Variants in NRG3 observed in about 807,000 individuals in gnomAD.
The protein encoded by NRG3 is neuregulin 3.
A neutral mutation model predicts 66.9 loss-of-function variants in NRG3; 31 were observed. The ratio of observed to expected loss-of-function variants is 0.46; its 90% CI spans 0.35 to 0.63. The LOEUF (loss-of-function observed/expected upper bound fraction) is 0.63. Among genes scored for constraint, NRG3 ranks in the 20% least tolerant of loss-of-function variants. NRG3 has a pLI of 0.00. For missense variants in NRG3, 910 were observed against 878.9 expected (o/e 1.04, Z -0.45); for synonymous variants, 393 against 359.4 (o/e 1.09, Z -1.06).
intron 1 of NRG3, among the ~76,000 whole-genome samples, chr10:82,253,723 C>G (rs1248992185): frequency 6.6e-6 from 1 of 152,160 alleles, no homozygotes; most frequent in Non-Finnish European, 1.5e-5. Flanking sequence ...TTTGATTCCC[C>G]TGCTTTAAAA....
At position 82,936,553 on chromosome 10, in the gene NRG3, A is replaced by G. The variant is rs374525920; in HGVS notation, c.1055-14916A>G. Among the ~76,000 whole-genome samples the G allele has an allele frequency of 5.9e-5, 9 of 152,274 alleles. 1 individual carries two copies. The highest frequency in any genetic ancestry group is 2.2e-4 in the African/African-American group (9 of 41,536). On this transcript the variant is annotated intron_variant, in intron 4 of 8. Coordinates refer to ENST00000372141, the MANE Select transcript of NRG3 (RefSeq NM_001010848.4). ...AGACCTATTGTGCAGCAGGGCAGCT[A>G]TAGTCAATGATGATATTTTGTATTG... is the stretch of plus-strand genomic sequence containing the variant.
chr10:82,247,759 A>G (rs149790878), intron 1 of NRG3, among the ~76,000 whole-genome samples: 3 of 152,298 alleles, frequency 2.0e-5, no homozygotes, highest in African/African-American at 7.2e-5. Flanking sequence ...TAGGGTACTT[A>G]CCACTTGGAT....
chr10:82,448,021 T>A (rs1447386125), intron 2 of NRG3, among the ~76,000 whole-genome samples: 1 of 152,180 alleles, frequency 6.6e-6, no homozygotes, highest in Non-Finnish European at 1.5e-5. Context: ...TGAGGGATGG[T>A]GACGAGAACA....
At chr10:82,309,935 G>C (rs945656384) in intron 1 of NRG3, among the ~76,000 whole-genome samples, 6 of 152,084 alleles carry the variant, frequency 3.9e-5, no homozygotes, top group Admixed American at 3.3e-4. Flanking sequence ...ACCTCTCCTT[G>C]TCTCTTAACC....
At chr10:82,497,397 T>A (rs186014278) in intron 2 of NRG3, among the ~76,000 whole-genome samples, 1 of 152,300 alleles carries the variant, frequency 6.6e-6, no homozygotes, top group Non-Finnish European at 1.5e-5. Context: ...CAGCCCAGAA[T>A]AATCACCATT....
chr10:82,768,651 A>AT (rs1449266507), intron 3 of NRG3, among the ~76,000 whole-genome samples: 1 of 152,036 alleles, frequency 6.6e-6, no homozygotes, highest in African/African-American at 2.4e-5. Context: ...TATATAAAAC[A>AT]TTTTTCTTTC....
At chr10:82,737,402 C>T (rs184607234) in intron 2 of NRG3, among the ~76,000 whole-genome samples, 2 of 152,310 alleles carry the variant, frequency 1.3e-5, no homozygotes, top group Admixed American at 1.3e-4. Flanking sequence ...TAGCTTATTA[C>T]ACTCAGAAAA....
chr10:82,637,726 A>G (rs1012778493), intron 2 of NRG3, among the ~76,000 whole-genome samples: 6 of 152,324 alleles, frequency 3.9e-5, no homozygotes, highest in Admixed American at 3.9e-4. Flanking sequence ...ATACAATATG[A>G]CAGCTAAGTA....
At chr10:82,763,230 A>C (rs1291639640) in intron 3 of NRG3, among the ~76,000 whole-genome samples, 1 of 152,186 alleles carries the variant, frequency 6.6e-6, no homozygotes, top group East Asian at 1.9e-4. Context: ...TTTTGTAATA[A>C]TCACTCAGCA....
intron 2 of NRG3, among the ~76,000 whole-genome samples, chr10:82,600,533 C>T (rs934738029): frequency 2.6e-5 from 4 of 152,200 alleles, no homozygotes; most frequent in Admixed American, 6.5e-5. Context: ...TACAATGGTG[C>T]GATCTCAGCG....
At chr10:82,859,892 A>C (rs1178245452) in intron 3 of NRG3, among the ~76,000 whole-genome samples, 4 of 152,180 alleles carry the variant, frequency 2.6e-5, no homozygotes, top group African/African-American at 9.7e-5. Context: ...GTGGGCTTCA[A>C]ATTTCCAAGT....
chr10:82,888,784 G>A (rs1487913321), intron 4 of NRG3, among the ~76,000 whole-genome samples: 2 of 151,956 alleles, frequency 1.3e-5, no homozygotes, highest in Admixed American at 1.3e-4. Flanking sequence ...ATAAAAGGCT[G>A]GACAGTGTCA....
chr10:82,150,313 G>A (rs375147743), intron 1 of NRG3, among the ~76,000 whole-genome samples: 126 of 152,014 alleles, frequency 8.3e-4, no homozygotes, highest in African/African-American at 2.9e-3. Context: ...TGGTGGGGGC[G>A]CTCCTGCCCA....
At chr10:82,447,998 T>C (rs1355833870) in intron 2 of NRG3, among the ~76,000 whole-genome samples, 6 of 152,170 alleles carry the variant, frequency 3.9e-5, no homozygotes, top group Non-Finnish European at 5.9e-5. Flanking sequence ...ATAGGACTTA[T>C]TGGAGGGGTA....
At chr10:82,304,383 A>T (rs1421237709) in intron 1 of NRG3, among the ~76,000 whole-genome samples, 2 of 152,220 alleles carry the variant, frequency 1.3e-5, no homozygotes, top group Non-Finnish European at 2.9e-5. Flanking sequence ...TATTAGAAAC[A>T]TAAACTCTTT....
intron 1 of NRG3, among the ~76,000 whole-genome samples, chr10:82,044,564 T>G (rs2063185405): frequency 6.6e-6 from 1 of 152,000 alleles, no homozygotes; most frequent in East Asian, 1.9e-4. Context: ...ACGAAATAAT[T>G]TTTTTTAATT....
At chr10:82,632,323 G>A (rs2049899647) in intron 2 of NRG3, among the ~76,000 whole-genome samples, 1 of 152,108 alleles carries the variant, frequency 6.6e-6, no homozygotes, top group African/African-American at 2.4e-5. Flanking sequence ...CCTGCATTTA[G>A]TTACATAAGA....
intron 5 of NRG3, among the ~76,000 whole-genome samples, chr10:82,952,041 C>T (rs1373594823): frequency 2.0e-5 from 3 of 152,192 alleles, no homozygotes; most frequent in Non-Finnish European, 4.4e-5. Flanking sequence ...AAAAAATATA[C>T]TTCAGTTTAC....
At chr10:82,957,893 CGTGTGTGTGTGT>C (rs10547101) in intron 5 of NRG3, among the ~76,000 whole-genome samples, 3 of 149,460 alleles carry the variant, frequency 2.0e-5, no homozygotes, top group Admixed American at 6.7e-5. Context: ...AAGAGGTGTG[CGTGTGTGTGTGT>C]GTGTGTGTGT....
Sources: allele counts gnomAD v4.1 joint callset (sites outside exome capture counted in the v4.1 genomes callset), GRCh38; gene constraint gnomAD v4.1.1; transcripts MANE v1.5; gene names NCBI Gene and HGNC (gene_info 2026-07-23, HGNC 2026-07-21).